The following CTNNA2 variants were observed in gnomAD, a reference collection of about 807,000 sequenced individuals.
The protein encoded by CTNNA2 is catenin alpha-2.
A neutral mutation model predicts 101.0 loss-of-function variants in CTNNA2; 42 were observed. The observed-to-expected ratio is 0.42, with a 90% CI of 0.32 to 0.54. The LOEUF is 0.54. Ranked by LOEUF, CTNNA2 falls within the 20% of genes least tolerant of loss-of-function variation. The pLI is 0.14. For synonymous variants in CTNNA2, 450 were observed against 456.4 expected, an observed-to-expected ratio of 0.99 and a Z score of 0.18; for missense variants, 871 against 1,223.1, an observed-to-expected ratio of 0.71 and a Z score of 4.29.
At chr2:79,535,064 G>A (rs1391053585) in intron 1 of CTNNA2, among the ~76,000 whole-genome samples, 1 of 152,046 alleles carries the variant, frequency 6.6e-6, no homozygotes, top group Non-Finnish European at 1.5e-5. Flanking sequence ...ACTTTAAAAG[G>A]CGGTGAAATA....
At chr2:80,119,088 G>A (rs1701687629) in intron 7 of CTNNA2, among the ~76,000 whole-genome samples, 1 of 152,186 alleles carries the variant, frequency 6.6e-6, no homozygotes, top group Non-Finnish European at 1.5e-5. Context: ...CAGAACCACG[G>A]TTGTTTTAGC....
intron 7 of CTNNA2, among the ~76,000 whole-genome samples, chr2:80,114,104 A>C (rs1004119280): frequency 6.6e-6 from 1 of 152,168 alleles, no homozygotes; most frequent in Non-Finnish European, 1.5e-5. Flanking sequence ...ACACAGAGAA[A>C]ATTCCGTCGT....
chr2:79,893,556 C>A (rs1684454099), intron 6 of CTNNA2, among the ~76,000 whole-genome samples: 1 of 152,226 alleles, frequency 6.6e-6, no homozygotes, highest in South Asian at 2.1e-4. Flanking sequence ...ACAATCCAAC[C>A]TAAATTAATA....
In CTNNA2 at chr2:79,888,392, G is replaced by A. The variant is rs150778358; in HGVS notation, c.852+14050G>A. ...ATTGACACCTCTTGTATAGGTTATC[G>A]ATACCTCTGATATTGCTTCTAAACA... On this transcript the variant is annotated intron_variant, in intron 6 of 18. Coordinates refer to ENST00000402739, the MANE Select transcript of CTNNA2 (RefSeq NM_001282597.3). 3.5e-3 allele frequency among the ~76,000 whole-genome samples: 535 copies of A among 152,180 alleles called. 2 individuals carry two copies. Among genetic ancestry groups the A allele is most frequent in the African/African-American group, 0.012 (504 of 41,520 alleles).
In CTNNA2 at chr2:80,164,347, A is replaced by G. The variant is rs79140959; in HGVS notation, c.1057-228864A>G. On this transcript the variant is annotated intron_variant, in intron 7 of 18. Coordinates refer to ENST00000402739, the MANE Select transcript of CTNNA2 (RefSeq NM_001282597.3). Reference sequence around the variant, plus strand: ...GCCTTTTTAATAGTTGACCTAGGCAATACATTCTTTACACATAAATTATAT... The same window carrying G: ...GCCTTTTTAATAGTTGACCTAGGCAGTACATTCTTTACACATAAATTATAT... Among the ~76,000 whole-genome samples, 54 of 152,124 alleles carry G rather than the reference A, an allele frequency of 3.5e-4. No individual in the cohort carries two copies. The East Asian group carries it at 9.6e-3, about 27-fold the overall frequency.
At chr2:79,854,220 A>G (rs554892520) in intron 3 of CTNNA2, among the ~76,000 whole-genome samples, 5 of 152,352 alleles carry the variant, frequency 3.3e-5, no homozygotes, top group African/African-American at 1.2e-4. Context: ...AGTGAAACCA[A>G]CCAAAATATA....
intron 4 of CTNNA2, among the ~76,000 whole-genome samples, chr2:79,861,965 G>A (rs1681656652): frequency 6.6e-6 from 1 of 152,192 alleles, no homozygotes; most frequent in African/African-American, 2.4e-5. Flanking sequence ...TTGTCAGTGT[G>A]TTAAGTTGAT....
intron 9 of CTNNA2, among the ~76,000 whole-genome samples, chr2:80,515,500 T>C (rs751398705): frequency 6.6e-6 from 1 of 152,150 alleles, no homozygotes; most frequent in Non-Finnish European, 1.5e-5. Context: ...AGATAACTTT[T>C]TGAGACCTCA....
At chr2:80,631,741 TA>T (rs1672317740) in intron 18 of CTNNA2, among the ~76,000 whole-genome samples, 1 of 152,192 alleles carries the variant, frequency 6.6e-6, no homozygotes, top group African/African-American at 2.4e-5. Context: ...AACTGTGGTA[TA>T]TTGATAAATG....
At chr2:80,285,475 C>G (rs1038154555) in intron 7 of CTNNA2, among the ~76,000 whole-genome samples, 1 of 152,166 alleles carries the variant, frequency 6.6e-6, no homozygotes, top group Non-Finnish European at 1.5e-5. Flanking sequence ...GCCTGGGTGT[C>G]TTGACATTCT....
chr2:80,615,607 C>T (rs1573463514), intron 17 of CTNNA2, among the ~76,000 whole-genome samples: 1 of 151,518 alleles, frequency 6.6e-6, no homozygotes, highest in Non-Finnish European at 1.5e-5. Flanking sequence ...AGCAGAGTAT[C>T]TGTTGATGGC....
chr2:80,392,498 C>G (rs1677606726), intron 7 of CTNNA2, among the ~76,000 whole-genome samples: 1 of 151,872 alleles, frequency 6.6e-6, no homozygotes, highest in Non-Finnish European at 1.5e-5. Context: ...TTTTTCTGTA[C>G]CCACCAAAAA....
intron 2 of CTNNA2, among the ~76,000 whole-genome samples, chr2:79,682,327 C>T (rs1345005619): frequency 2.2e-5 from 3 of 138,332 alleles, no homozygotes; most frequent in South Asian, 2.4e-4. Flanking sequence ...AGGAGAATGG[C>T]GGGAACCAGG....
intron 1 of CTNNA2, among the ~76,000 whole-genome samples, chr2:79,563,593 C>T (rs1200662054): frequency 6.6e-6 from 1 of 152,072 alleles, no homozygotes; most frequent in African/African-American, 2.4e-5. Flanking sequence ...TCAAAACAAT[C>T]TTATTTTACT....
chr2:79,896,545 A>C (rs932274067), intron 6 of CTNNA2, among the ~76,000 whole-genome samples: 1 of 152,234 alleles, frequency 6.6e-6, no homozygotes, highest in Non-Finnish European at 1.5e-5. Context: ...TCCACTAATC[A>C]GCAAATGTTT....
At position 80,347,788 on chromosome 2, in the gene CTNNA2, A is replaced by G. The variant is rs116461630; in HGVS notation, c.1057-45423A>G. ...TCCACACCTCAGGATCTTTATTTTAACAAGATCCCCAGCTGATTCATTTGC... is the reference window on the plus strand; with the variant it reads ...TCCACACCTCAGGATCTTTATTTTAGCAAGATCCCCAGCTGATTCATTTGC... On this transcript the variant is annotated intron_variant, in intron 7 of 18. Coordinates refer to ENST00000402739, the MANE Select transcript of CTNNA2 (RefSeq NM_001282597.3). Among the ~76,000 whole-genome samples, 212 of 151,802 alleles carry G rather than the reference A, an allele frequency of 1.4e-3. 1 individual carries two copies. In the Middle Eastern group the frequency reaches 0.024, roughly 17 times the overall value.
At chr2:80,439,176 C>A (rs1458305152) in intron 9 of CTNNA2, among the ~76,000 whole-genome samples, 1 of 152,200 alleles carries the variant, frequency 6.6e-6, no homozygotes, top group East Asian at 1.9e-4. Flanking sequence ...GGGTCTTTTG[C>A]CTGCTGCATC....
chr2:79,297,675 CTATCTA>C (rs1467867330), intron 2 of CTNNA2, among the ~76,000 whole-genome samples: 4 of 152,144 alleles, frequency 2.6e-5, no homozygotes, highest in Admixed American at 6.6e-5. Context: ...ATTTATCTCT[CTATCTA>C]TATCTATCTA....
At chr2:79,885,402 G>C (rs1395321919) in intron 6 of CTNNA2, among the ~76,000 whole-genome samples, 1 of 152,124 alleles carries the variant, frequency 6.6e-6, no homozygotes, top group Non-Finnish European at 1.5e-5. Flanking sequence ...TCCCTTAAGG[G>C]GCCATGGCCC....
Sources: gnomAD v4.1 joint callset for allele counts (sites outside exome capture counted in the v4.1 genomes callset) on GRCh38, gnomAD v4.1.1 for gene constraint, MANE v1.5 for transcripts, NCBI Gene and HGNC (gene_info 2026-07-23, HGNC 2026-07-21) for gene names.